Variants in ARL6 observed in about 807,000 individuals in gnomAD.
ARL6 encodes the protein ARF like GTPase 6.
Under a neutral mutation model 27.1 loss-of-function variants are expected in ARL6, and 18 were observed. The ratio of observed to expected loss-of-function variants is 0.66; its 90% CI spans 0.46 to 0.98. The LOEUF (loss-of-function observed/expected upper bound fraction) is 0.98, where lower values mean the gene tolerates loss of function less well. ARL6 is among the 50% of genes least tolerant of loss of function. ARL6 has a pLI of 0.00. For missense variants in ARL6, 187 were observed against 214.9 expected, an observed-to-expected ratio of 0.87 and a Z score of 0.81; for synonymous variants, 65 against 72.3, an observed-to-expected ratio of 0.90 and a Z score of 0.51.
Position 97,768,184 on chromosome 3 carries a change from A to G in ARL6, c.77A>G (p.Asp26Gly). ...GTTCATGTTTTGTGCCTTGGGCTAG[A>G]TAATAGTGGCAAAACGACGATCATT... Reference protein sequence around the residue: ...KEVHVLCLGLDNSGKTTIINK... With the variant: ...KEVHVLCLGLGNSGKTTIINK... Residue 26 changes from aspartate to glycine, a missense_variant, in exon 2 of 8, where the codon GAT becomes GGT. By Grantham distance (94) the Asp-to-Gly change is moderately conservative. Coordinates refer to ENST00000463745, the MANE Select transcript of ARL6 (RefSeq NM_001278293.3). 1.9e-6 allele frequency: 3 copies of G among 1,613,122 alleles called. No individual in the cohort carries two copies. The highest frequency in any genetic ancestry group is 2.5e-6 in the Non-Finnish European group (3 of 1,179,200).
intron 5 of ARL6, among the ~76,000 whole-genome samples, chr3:97,786,009 A>G (rs2108058902): frequency 6.6e-6 from 1 of 152,294 alleles, no homozygotes; most frequent in African/African-American, 2.4e-5. Context: ...TTTGAAAAAA[A>G]ATTATCCGCC....
chr3:97,792,026 C>T, intron 7 of ARL6, 200 bp downstream of exon 7: 1 of 559,966 alleles, frequency 1.8e-6, no homozygotes, highest in East Asian at 3.0e-5. Context: ...GATTTATTTA[C>T]ATAAAGTGTT....
intron 2 of ARL6, among the ~76,000 whole-genome samples, chr3:97,773,990 T>C (rs770545480): frequency 2.5e-4 from 38 of 152,224 alleles, no homozygotes; most frequent in Non-Finnish European, 4.7e-4. Flanking sequence ...GCTGTTGTAG[T>C]TTCCCATTGA....
intron 7 of ARL6, among the ~76,000 whole-genome samples, chr3:97,792,975 TA>T (rs767514659): frequency 6.6e-6 from 1 of 152,002 alleles, no homozygotes; most frequent in Non-Finnish European, 1.5e-5. Context: ...TTTTTTTTTT[TA>T]AATCTTCTGC....
At chr3:97,794,303 C>T (rs1038749886) in intron 7 of ARL6, among the ~76,000 whole-genome samples, 10 of 151,830 alleles carry the variant, frequency 6.6e-5, no homozygotes. Flanking sequence ...ACCTCTGCCT[C>T]TCAGGTTCAA....
intron 6 of ARL6, 52 bp downstream of exon 6, chr3:97,788,171 T>A: frequency 6.4e-7 from 1 of 1,568,780 alleles, no homozygotes; most frequent in Non-Finnish European, 8.7e-7. Flanking sequence ...ATATACAAGC[T>A]TCAGAGTTGT....
chr3:97,787,897 GA>G, intron 5 of ARL6, 92 bp from the exon 6 acceptor site: 8 of 1,347,350 alleles, frequency 5.9e-6, no homozygotes, highest in Non-Finnish European at 8.4e-6. Context: ...AAAGATAATT[GA>G]AAAAAAATTT....
chr3:97,766,225 T>C (rs1290485044), intron 1 of ARL6: 2 of 152,224 alleles, frequency 1.3e-5, no homozygotes, highest in African/African-American at 4.8e-5. Flanking sequence ...GAGAACAAGA[T>C]ATAAGCATTT....
At position 97,798,693 on chromosome 3, in the gene ARL6, A is replaced by G. The variant is rs990777183; in HGVS notation, c.*644A>G. ...ATCTCTACACCAACTAGTCAGACAT[A>G]GTCCTAGGCAATGATGTTACGAGGT... On this transcript the variant is annotated 3_prime_UTR_variant, in exon 8 of 8. Transcript: ENST00000463745. 1 of 152,146 alleles carries G rather than the reference A, an allele frequency of 6.6e-6. No individual in the cohort carries two copies. Among genetic ancestry groups the G allele is most frequent in the Non-Finnish European group, 1.5e-5 (1 of 67,986 alleles). 9.4% of individuals were successfully genotyped at this position (152,146 alleles called of 1,614,324 possible). A position where few individuals can be genotyped will look rare whatever the true frequency, so the allele number is the denominator to read the frequency against.
chr3:97,776,797 C>G, intron 2 of ARL6, among the ~76,000 whole-genome samples: 1 of 152,068 alleles, frequency 6.6e-6, no homozygotes, highest in East Asian at 1.9e-4. Context: ...GCTGGGATTA[C>G]AGGCACGCGC....
intron 4 of ARL6, among the ~76,000 whole-genome samples, chr3:97,781,136 G>A (rs1230506313): frequency 6.6e-6 from 1 of 152,052 alleles, no homozygotes; most frequent in Non-Finnish European, 1.5e-5. Context: ...CAAGGGAAGG[G>A]ATTATTTATT....
intron 1 of ARL6, among the ~76,000 whole-genome samples, chr3:97,767,123 T>C (rs1456211511): frequency 6.6e-6 from 1 of 152,200 alleles, no homozygotes; most frequent in African/African-American, 2.4e-5. Context: ...TAGTTTTTTT[T>C]TAAGTTTGCA....
chr3:97,795,062 G>A (rs759572600), intron 7 of ARL6, among the ~76,000 whole-genome samples: 3 of 152,116 alleles, frequency 2.0e-5, no homozygotes, highest in Non-Finnish European at 4.4e-5. Context: ...GGGTGACAGA[G>A]CAAGACTGTC....
chr3:97,784,040 A>G (rs1379305662), intron 4 of ARL6, among the ~76,000 whole-genome samples: 1 of 151,924 alleles, frequency 6.6e-6, no homozygotes, highest in Non-Finnish European at 1.5e-5. Flanking sequence ...AACATTTCTA[A>G]TAAATCTTAA....
chr3:97,794,266 G>A (rs943201605), intron 7 of ARL6, among the ~76,000 whole-genome samples: 24 of 151,564 alleles, frequency 1.6e-4, no homozygotes, highest in Middle Eastern at 3.2e-3. Context: ...AGGCTGGAGT[G>A]CAGTGGTATG....
At position 97,780,674 on chromosome 3, in the gene ARL6, A is replaced by G. The variant is rs541850084; in HGVS notation, c.245A>G (p.His82Arg). 2.5e-6 allele frequency: 4 copies of G among 1,610,390 alleles called. No individual in the cohort carries two copies. Among genetic ancestry groups the G allele is most frequent in the Admixed American group, 3.3e-5 (2 of 60,008 alleles). ...GGAAGATACAGAAATCTCTGGGAAC[A>G]CTATTATAAGTAAGTACATCTGTGA... The part of the protein sequence containing the change: ...GQGRYRNLWE[H>R]YYKEGQAIIF... The change falls in exon 4 of 8, where the codon CAC becomes CGC. Residue 82 changes from histidine to arginine, a missense_variant. By Grantham distance (29) the His-to-Arg change is conservative (BLOSUM62 0). Transcript: ENST00000463745.
At chr3:97,794,035 G>A (rs923854775) in intron 7 of ARL6, among the ~76,000 whole-genome samples, 13 of 151,992 alleles carry the variant, frequency 8.6e-5, no homozygotes, top group African/African-American at 3.1e-4. Context: ...AAAGTACCTA[G>A]CATAAGAAAG....
intron 2 of ARL6, among the ~76,000 whole-genome samples, chr3:97,772,654 A>ATTTTTTTTT (rs2036695907): frequency 8.0e-6 from 1 of 125,296 alleles, no homozygotes. Flanking sequence ...GGATTTTTGC[A>ATTTTTTTTT]CTTGTCGCCC....
chr3:97,797,892 A>G, intron 7 of ARL6, 132 bp from the exon 8 acceptor site: 1 of 874,418 alleles, frequency 1.1e-6, no homozygotes, highest in East Asian at 2.5e-5. Flanking sequence ...TCCTATCTCT[A>G]AAAAATAATA....
Sources: allele counts gnomAD v4.1 joint callset (sites outside exome capture counted in the v4.1 genomes callset), GRCh38; gene constraint gnomAD v4.1.1; transcripts MANE v1.5; gene names NCBI Gene and HGNC (gene_info 2026-07-23, HGNC 2026-07-21).